The following WDR76 variants were observed in gnomAD, a reference collection of about 807,000 sequenced individuals.
WDR76 encodes the protein WD repeat domain 76.
In WDR76, 52 loss-of-function variants were observed where a neutral mutation model predicts 70.2. The observed-to-expected ratio is 0.74, with a 90% CI of 0.59 to 0.93. WDR76 has a LOEUF of 0.93. Ranked by LOEUF, WDR76 falls within the 40% of genes least tolerant of loss-of-function variation. The pLI, the probability that WDR76 is intolerant of heterozygous loss-of-function variation, is 0.00. For missense variants in WDR76, 756 were observed against 760.2 expected (o/e 0.99, Z 0.07); for synonymous variants, 292 against 271.1 (o/e 1.08, Z -0.76).
At chr15:43,856,661 A>G (rs562552622) in intron 9 of WDR76, among the ~76,000 whole-genome samples, 2 of 151,758 alleles carry the variant, frequency 1.3e-5, no homozygotes, top group East Asian at 3.9e-4. Flanking sequence ...CAGTAGCAGA[A>G]TAGGGTAACT....
At chr15:43,857,961 CTTTT>C (rs397854561) in intron 10 of WDR76, among the ~76,000 whole-genome samples, 45 of 95,526 alleles carry the variant, frequency 4.7e-4, no homozygotes, top group East Asian at 2.8e-3. Context: ...AGGGTTCTGT[CTTTT>C]TTTTTTTTTT....
chr15:43,844,484 G>A (rs1252740244), intron 8 of WDR76, among the ~76,000 whole-genome samples: 1 of 151,920 alleles, frequency 6.6e-6, no homozygotes, highest in African/African-American at 2.4e-5. Context: ...GCTGGGCGTG[G>A]TGGTAGGTGC....
chr15:43,858,797 G>C lies in WDR76; in HGVS notation c.1536G>C (p.Val512=), dbSNP rs2087962141. The change falls in exon 11 of 13, where the codon GTG becomes GTC. Residue 512 remains valine (V), a synonymous_variant. Coordinates refer to ENST00000263795, the MANE Select transcript of WDR76 (RefSeq NM_024908.4). ...CACCTCTTACTGGTAACAGAGTGGT[G>C]ACCACATGTGCTGATTGTAATCTGA... ...YFSPLTGNRV[V]TTCADCNLRI... The C allele has an allele frequency of 6.2e-7, 1 of 1,614,004 alleles. No individual in the cohort carries two copies. Among genetic ancestry groups the C allele is most frequent in the Non-Finnish European group, 8.5e-7 (1 of 1,180,008 alleles).
rs74575861 is a variant in WDR76 at position 43,855,948 on chromosome 15, G to C, written c.1192-998G>C. ...ATTCCCATTATCACAAGTAACCGTT[G>C]TTGCATATCTTGAGTATGCTTCCAC... is the stretch of plus-strand genomic sequence containing the variant. On this transcript the variant is annotated intron_variant, in intron 9 of 12. Transcript: ENST00000263795. 1.8e-4 allele frequency among the ~76,000 whole-genome samples: 27 copies of C among 151,972 alleles called. No individual in the cohort carries two copies. The East Asian group carries it at 4.4e-3, about 25-fold the overall frequency.
At chr15:43,853,380 G>C (rs1419603919) in intron 9 of WDR76, among the ~76,000 whole-genome samples, 1 of 146,532 alleles carries the variant, frequency 6.8e-6, no homozygotes, top group Non-Finnish European at 1.5e-5. Context: ...TAGTAGAGAC[G>C]GTGTTTTGCC....
intron 8 of WDR76, among the ~76,000 whole-genome samples, chr15:43,849,355 C>G (rs539634850): frequency 6.6e-6 from 1 of 152,158 alleles, no homozygotes; most frequent in Admixed American, 6.5e-5. Flanking sequence ...TTCAAAAATT[C>G]CTTTAGCTTC....
At chr15:43,842,117 C>G (rs918507181) in intron 5 of WDR76, among the ~76,000 whole-genome samples, 4 of 152,158 alleles carry the variant, frequency 2.6e-5, no homozygotes, top group African/African-American at 9.7e-5. Flanking sequence ...CCGCCTGCCT[C>G]GGCCTGCCAA....
chr15:43,861,914 G>A (rs1409945944), intron 12 of WDR76, among the ~76,000 whole-genome samples: 1 of 142,896 alleles, frequency 7.0e-6, no homozygotes, highest in African/African-American at 2.6e-5. Context: ...TCTGCTCACT[G>A]CAATCTTCAC....
chr15:43,839,160 C>G (rs1256765527), intron 4 of WDR76, among the ~76,000 whole-genome samples: 1 of 152,116 alleles, frequency 6.6e-6, no homozygotes, highest in Non-Finnish European at 1.5e-5. Context: ...TTTTAAGTTT[C>G]CTTCCTATTT....
At position 43,854,227 on chromosome 15, in the gene WDR76, C is replaced by G. The variant is rs551152812; in HGVS notation, c.1192-2719C>G. On this transcript the variant is annotated intron_variant, in intron 9 of 12. Transcript: ENST00000263795. ...ACCCAAGAGAAATGAAAGCACATGTCCACACAAAAACTTGTACGGGAATGT... is the reference window on the plus strand; with the variant it reads ...ACCCAAGAGAAATGAAAGCACATGTGCACACAAAAACTTGTACGGGAATGT... 3.9e-5 allele frequency among the ~76,000 whole-genome samples: 6 copies of G among 152,196 alleles called. No homozygotes were observed. The East Asian group carries it at 1.2e-3, about 29-fold the overall frequency.
intron 9 of WDR76, among the ~76,000 whole-genome samples, chr15:43,856,735 A>G (rs1362994776): frequency 2.6e-5 from 4 of 152,104 alleles, no homozygotes; most frequent in African/African-American, 9.7e-5. Context: ...AAATGTTCCC[A>G]ACACATAGAA....
chr15:43,858,805 GT>G lies in WDR76; in HGVS notation c.1545del (p.Cys515TrpfsTer6). ...ACTGGTAACAGAGTGGTGACCACAT[GT>G]GCTGATTGTAATCTGAGGTAAATTG... ...PLTGNRVVTT[C>X]ADCNLRIFDS... On this transcript the variant is annotated frameshift_variant, in exon 11 of 13. Transcript: ENST00000263795. LOFTEE classifies it high-confidence loss of function. 1 of 1,613,872 alleles carries G rather than the reference GT, an allele frequency of 6.2e-7. No homozygotes were observed. The highest frequency in any genetic ancestry group is 8.5e-7 in the Non-Finnish European group (1 of 1,179,958).
rs1271819977 is a variant in WDR76 at position 43,827,996 on chromosome 15, C to T, written c.92C>T (p.Ala31Val). ...VNEYKENQNI[A>V]YVSLRPAQTT... ...GAATATAAAGAAAATCAAAACATCG[C>T]TTATGTGTCTCTGAGACCAGCACAG... The change falls in exon 2 of 13, where the codon GCT (alanine) becomes GTT (valine). Residue 31 changes from alanine (A) to valine (V), a missense_variant. Ala to Val is a moderately conservative substitution (Grantham distance 64). Transcript: ENST00000263795. 1.9e-6 allele frequency: 3 copies of T among 1,608,050 alleles called. No homozygotes were observed. In the Middle Eastern group the frequency reaches 5.0e-4, roughly 266 times the overall value.
chr15:43,848,830 TGGGAAACTAAGGCAG>T (rs1235308429), intron 8 of WDR76, among the ~76,000 whole-genome samples: 2 of 151,568 alleles, frequency 1.3e-5, no homozygotes, highest in Non-Finnish European at 2.9e-5. Context: ...CCCAGCCACT[TGGGAAACTAAGGCAG>T]GAGAATTGCT....
intron 11 of WDR76, 106 bp from the exon 12 acceptor site, chr15:43,861,227 A>T: frequency 1.0e-6 from 1 of 962,760 alleles, no homozygotes; most frequent in Non-Finnish European, 1.6e-6. Flanking sequence ...AGTGACAGTT[A>T]TATATTTCAT....
At position 43,842,466 on chromosome 15, in the gene WDR76, A is replaced by G. The variant is rs1459674041; in HGVS notation, c.784A>G (p.Asn262Asp). 2 of 1,614,176 alleles carry G rather than the reference A, an allele frequency of 1.2e-6. No individual in the cohort carries two copies. The highest frequency in any genetic ancestry group is 1.7e-5 in the Admixed American group (1 of 60,016). Residue 262 changes from asparagine (N) to aspartate (D), a missense_variant, in exon 6 of 13, where the codon AAC becomes GAC. Transcript: ENST00000263795. ...AATGACTTCTGAAAATCAAGAAGAC[A>G]ACAATGAACGATTTAAAGGATTTCT... is the stretch of plus-strand genomic sequence containing the variant. ...LEMTSENQEDNNERFKGFLHT... is the reference protein window; with the variant it reads ...LEMTSENQEDDNERFKGFLHT...
At chr15:43,848,668 C>T (rs948952552) in intron 8 of WDR76, among the ~76,000 whole-genome samples, 16 of 152,170 alleles carry the variant, frequency 1.1e-4, no homozygotes, top group African/African-American at 3.9e-4. Context: ...AGGCCGGGCG[C>T]AGTGGCTCAT....
At chr15:43,836,133 A>G (rs1486386444) in intron 3 of WDR76, 28 bp from the exon 4 acceptor site, 5 of 1,594,060 alleles carry the variant, frequency 3.1e-6, no homozygotes, top group Non-Finnish European at 3.4e-6. Flanking sequence ...TAGTTATAAC[A>G]TTTTTACATG....
At chr15:43,842,719 A>C (rs1426562350) in intron 7 of WDR76, 48 bp downstream of exon 7, 1 of 1,550,056 alleles carries the variant, frequency 6.5e-7, no homozygotes, top group African/African-American at 1.4e-5. Flanking sequence ...GAGATGTTTG[A>C]GTTATAAAGA....
Sources: gnomAD v4.1 joint callset for allele counts (sites outside exome capture counted in the v4.1 genomes callset) on GRCh38, gnomAD v4.1.1 for gene constraint, MANE v1.5 for transcripts, NCBI Gene and HGNC (gene_info 2026-07-23, HGNC 2026-07-21) for gene names.